Variants in NCOA3 observed in about 807,000 individuals in gnomAD.
NCOA3 encodes CBP-interacting protein.
A neutral mutation model predicts 158.8 loss-of-function variants in NCOA3; 51 were observed. The ratio of observed to expected loss-of-function variants is 0.32; its 90% CI spans 0.26 to 0.41. The LOEUF (loss-of-function observed/expected upper bound fraction) is 0.41, where lower values mean the gene tolerates loss of function less well. NCOA3 is among the 10% of genes least tolerant of loss of function. The probability of loss-of-function intolerance (pLI) is 1.00; values close to 1 mark genes in which losing one functional copy is unlikely to be tolerated. For synonymous variants in NCOA3, 537 were observed against 592.4 expected, an observed-to-expected ratio of 0.91 and a Z score of 1.36; for missense variants, 1,510 against 1,746.6, an observed-to-expected ratio of 0.86 and a Z score of 2.41.
chr20:47,510,432 C>CAAAAA lies in NCOA3; in HGVS notation c.-99+8424_-99+8428dup, dbSNP rs59554529. Reference sequence around the variant, plus strand: ...TGGGTGACAGAGCAAGACTCCATCTCAAAAAAAAAAAAAAAGTACACGATC... The same window carrying CAAAAA: ...TGGGTGACAGAGCAAGACTCCATCTCAAAAAAAAAAAAAAAAAAAAGTACACGATC... On this transcript the variant is annotated intron_variant, in intron 1 of 22. Coordinates refer to ENST00000371998, the MANE Select transcript of NCOA3 (RefSeq NM_181659.3). Among the ~76,000 whole-genome samples the CAAAAA allele has an allele frequency of 4.4e-5, 3 of 67,876 alleles. 1 individual carries two copies. The highest frequency in any genetic ancestry group is 7.8e-5 in the Non-Finnish European group (3 of 38,576). 44.5% of individuals were successfully genotyped at this position (67,876 alleles called of 152,430 possible).
rs2086623723 is a variant in NCOA3, at chr20:47,642,276, T to G, written c.3144T>G (p.Ser1048Arg). The G allele has an allele frequency of 4.3e-6, 7 of 1,612,414 alleles. No homozygotes were observed. Among genetic ancestry groups the G allele is most frequent in the Non-Finnish European group, 5.9e-6 (7 of 1,179,532 alleles). Reference protein sequence around the residue: ...VGPPSNLEGQSDERALLDQLH... With the variant: ...VGPPSNLEGQRDERALLDQLH... ...CACCTTCCAACCTGGAAGGCCAGAGTGACGAAAGAGCATTATTGGACCAGC... is the reference window on the plus strand; with the variant it reads ...CACCTTCCAACCTGGAAGGCCAGAGGGACGAAAGAGCATTATTGGACCAGC... The change falls in exon 17 of 23, where the codon AGT (serine) becomes AGG (arginine). Residue 1048 changes from serine to arginine, a missense_variant. This residue lies in a region of NCOA3 where 1,017 missense variants were observed against 1,098.3 expected (regional missense o/e 0.93). Transcript: ENST00000371998.
At chr20:47,527,361 T>C (rs2084472941) in intron 1 of NCOA3, among the ~76,000 whole-genome samples, 1 of 152,198 alleles carries the variant, frequency 6.6e-6, no homozygotes, top group Non-Finnish European at 1.5e-5. Flanking sequence ...GTATGTTGTG[T>C]CAGCTTCTTT....
intron 8 of NCOA3, among the ~76,000 whole-genome samples, 186 bp from the exon 9 acceptor site, chr20:47,633,310 G>A (rs926686976): frequency 1.4e-4 from 22 of 152,200 alleles, no homozygotes; most frequent in African/African-American, 5.3e-4. Context: ...AGAACATGTA[G>A]GGAGAATCCT....
At chr20:47,648,914 T>A (rs960827818) in intron 18 of NCOA3, 91 bp from the exon 19 acceptor site, 8 of 708,050 alleles carry the variant, frequency 1.1e-5, no homozygotes, top group Admixed American at 2.3e-5. Flanking sequence ...TTTGGAGATA[T>A]TACCTCATTG....
intron 10 of NCOA3, among the ~76,000 whole-genome samples, chr20:47,634,785 C>T (rs1005808662): frequency 1.2e-4 from 18 of 152,200 alleles, no homozygotes; most frequent in Non-Finnish European, 1.6e-4. Context: ...AATAATTGAT[C>T]AATATGTAGA....
intron 1 of NCOA3, among the ~76,000 whole-genome samples, chr20:47,542,295 C>T (rs1031115502): frequency 2.6e-5 from 4 of 151,654 alleles, no homozygotes; most frequent in Non-Finnish European, 4.4e-5. Flanking sequence ...CTGTCTTGGC[C>T]TCCTAAAGTG....
chr20:47,582,539 T>A (rs1363219623), intron 1 of NCOA3, among the ~76,000 whole-genome samples: 2 of 149,802 alleles, frequency 1.3e-5, no homozygotes, highest in Non-Finnish European at 3.0e-5. Context: ...AATTTTTATT[T>A]TTTTGTGTGT....
chr20:47,573,272 A>G (rs2085322397), intron 1 of NCOA3, among the ~76,000 whole-genome samples: 1 of 152,154 alleles, frequency 6.6e-6, no homozygotes, highest in South Asian at 2.1e-4. Flanking sequence ...AGGCGCCTAT[A>G]ACCCCAGCTA....
At chr20:47,604,744 T>G (rs1024345838) in intron 2 of NCOA3, among the ~76,000 whole-genome samples, 1 of 152,216 alleles carries the variant, frequency 6.6e-6, no homozygotes, top group Admixed American at 6.5e-5. Flanking sequence ...GGCCAATTCT[T>G]TATCTCATTA....
intron 7 of NCOA3, 79 bp downstream of exon 7, chr20:47,627,828 C>T: frequency 1.3e-6 from 2 of 1,574,044 alleles, no homozygotes; most frequent in East Asian, 4.5e-5. Context: ...GTGTTGTAAC[C>T]CTTCTTACTG....
chr20:47,575,715 A>AACGTAACGTAAAGGT (rs2085363214), intron 1 of NCOA3, among the ~76,000 whole-genome samples: 2 of 152,216 alleles, frequency 1.3e-5, no homozygotes, highest in Non-Finnish European at 1.5e-5. Context: ...AGGGTATTCT[A>AACGTAACGTAAAGGT]AACGTAAAGG....
At chr20:47,623,542 C>G (rs1275554920) in intron 3 of NCOA3, among the ~76,000 whole-genome samples, 2 of 151,992 alleles carry the variant, frequency 1.3e-5, no homozygotes, top group African/African-American at 4.8e-5. Flanking sequence ...AATCCCAGCA[C>G]TCTGGGAGGC....
chr20:47,568,059 A>T (rs2085227689), intron 1 of NCOA3, among the ~76,000 whole-genome samples: 1 of 152,174 alleles, frequency 6.6e-6, no homozygotes, highest in Admixed American at 6.5e-5. Context: ...CATACAGGCC[A>T]CTATTTTGTT....
At chr20:47,607,325 G>GT (rs970587160) in intron 2 of NCOA3, among the ~76,000 whole-genome samples, 2 of 152,186 alleles carry the variant, frequency 1.3e-5, no homozygotes, top group Non-Finnish European at 2.9e-5. Context: ...AATCTCCCTT[G>GT]TAAGGGTGTC....
intron 2 of NCOA3, among the ~76,000 whole-genome samples, chr20:47,594,686 A>G (rs1443240178): frequency 6.9e-6 from 1 of 144,134 alleles, no homozygotes; most frequent in Non-Finnish European, 1.6e-5. Flanking sequence ...AAAAAAAAAA[A>G]AAAAAAAAAG....
rs555750290 is a variant in NCOA3 at position 47,655,761 on chromosome 20, A to C, written c.*2344A>C. The C allele has an allele frequency of 9.8e-5, 15 of 152,708 alleles. No individual in the cohort carries two copies. In the South Asian group the frequency reaches 2.7e-3, roughly 27 times the overall value. 9.5% of individuals were successfully genotyped at this position (152,708 alleles called of 1,614,324 possible). On this transcript the variant is annotated 3_prime_UTR_variant, in exon 23 of 23. Transcript: ENST00000371998. ...CTCTTATCTTTCTTGACTTTAAAAAAATTATTAAAAACAAAAAAAAAATAA... is the reference window on the plus strand; with the variant it reads ...CTCTTATCTTTCTTGACTTTAAAAACATTATTAAAAACAAAAAAAAAATAA...
chr20:47,595,030 A>AATCC, intron 2 of NCOA3, among the ~76,000 whole-genome samples: 1 of 150,102 alleles, frequency 6.7e-6, no homozygotes, highest in East Asian at 2.0e-4. Context: ...GACCTCAGGC[A>AATCC]ATCCGCCTGC....
intron 1 of NCOA3, among the ~76,000 whole-genome samples, chr20:47,546,108 C>A (rs2084823674): frequency 6.6e-6 from 1 of 152,158 alleles, no homozygotes. Flanking sequence ...TTCTAATGGA[C>A]AACTGAAACT....
chr20:47,623,827 G>C (rs1426352511), intron 3 of NCOA3, 84 bp from the exon 4 acceptor site: 17 of 1,265,482 alleles, frequency 1.3e-5, no homozygotes, highest in Non-Finnish European at 1.7e-5. Context: ...TAATAGTGTT[G>C]TATAGGGGCT....
Sources: allele counts gnomAD v4.1 joint callset (sites outside exome capture counted in the v4.1 genomes callset), GRCh38; gene constraint gnomAD v4.1.1; regional missense constraint gnomAD v4.1.1; transcripts MANE v1.5; gene names NCBI Gene and HGNC (gene_info 2026-07-23, HGNC 2026-07-21).